PSD3: variants seen among roughly 807,000 people sequenced by gnomAD.
PSD3 encodes pleckstrin and Sec7 domain containing 3.
Under a neutral mutation model 105.5 loss-of-function variants are expected in PSD3, and 49 were observed. That is an observed-to-expected ratio of 0.46 (90% CI 0.37 to 0.59). The LOEUF is 0.59. Ranked by LOEUF, PSD3 falls within the 20% of genes least tolerant of loss-of-function variation. The pLI is 0.00. For synonymous variants in PSD3, 557 were observed against 457.8 expected (o/e 1.22, Z -2.77); for missense variants, 1,561 against 1,263.8 (o/e 1.24, Z -3.57).
chr8:18,979,832 A>T (rs1825160099), intron 1 of PSD3: 2 of 152,306 alleles, frequency 1.3e-5, no homozygotes, highest in African/African-American at 4.8e-5. Flanking sequence ...CTACTTAAGA[A>T]AAAGTAGGTT....
intron 4 of PSD3, among the ~76,000 whole-genome samples, chr8:18,832,027 C>G (rs1231641451): frequency 1.3e-5 from 2 of 152,166 alleles, no homozygotes; most frequent in Non-Finnish European, 2.9e-5. Flanking sequence ...CTCACAAAAG[C>G]AAAAACCTTC....
intron 1 of PSD3, among the ~76,000 whole-genome samples, chr8:19,037,703 C>G (rs1395516): frequency 6.6e-6 from 1 of 152,022 alleles, no homozygotes; most frequent in Non-Finnish European, 1.5e-5. Flanking sequence ...CATTTGGACA[C>G]TGGTACTTCT....
intron 4 of PSD3, among the ~76,000 whole-genome samples, chr8:18,807,921 C>A (rs1334266783): frequency 2.6e-5 from 4 of 152,124 alleles, no homozygotes; most frequent in Non-Finnish European, 5.9e-5. Flanking sequence ...CTGGACAACA[C>A]GGTGAGACCC....
chr8:18,928,658 TTC>T (rs887310387), intron 2 of PSD3, among the ~76,000 whole-genome samples: 1 of 151,508 alleles, frequency 6.6e-6, no homozygotes, highest in Non-Finnish European at 1.5e-5. Flanking sequence ...TCAGTGGGTG[TTC>T]TCTCTCTCTT....
At chr8:18,798,779 A>T (rs778198867) in intron 8 of PSD3, among the ~76,000 whole-genome samples, 1 of 152,158 alleles carries the variant, frequency 6.6e-6, no homozygotes, top group Non-Finnish European at 1.5e-5. Flanking sequence ...TTTATATATA[A>T]TTATACATTT....
chr8:18,911,082 T>C (rs1456547341), intron 2 of PSD3, among the ~76,000 whole-genome samples: 1 of 152,126 alleles, frequency 6.6e-6, no homozygotes, highest in African/African-American at 2.4e-5. Context: ...CACTCCATCC[T>C]GGGCAATAGA....
intron 4 of PSD3, among the ~76,000 whole-genome samples, chr8:18,825,749 C>T (rs773215094): frequency 7.2e-5 from 11 of 152,210 alleles, no homozygotes; most frequent in East Asian, 1.9e-4. Context: ...AACCTCCACA[C>T]GCAACTCATT....
At chr8:18,568,013 CT>C (rs1225401497) in intron 14 of PSD3, among the ~76,000 whole-genome samples, 2 of 152,292 alleles carry the variant, frequency 1.3e-5, no homozygotes, top group East Asian at 3.9e-4. Flanking sequence ...GAGCCTGGCA[CT>C]TTCCCTTCCT....
intron 1 of PSD3, among the ~76,000 whole-genome samples, chr8:19,064,460 T>C (rs1829008257): frequency 6.6e-6 from 1 of 152,234 alleles, no homozygotes; most frequent in Non-Finnish European, 1.5e-5. Flanking sequence ...CGATGTGTAA[T>C]GATCAAATGA....
chr8:18,561,451 GGT>G (rs1801392729), intron 14 of PSD3, among the ~76,000 whole-genome samples: 1 of 152,098 alleles, frequency 6.6e-6, no homozygotes, highest in African/African-American at 2.4e-5. Context: ...GGAGAATGGT[GGT>G]TACCAGAGGC....
chr8:18,795,291 T>C (rs1381005771), intron 8 of PSD3, among the ~76,000 whole-genome samples: 1 of 152,090 alleles, frequency 6.6e-6, no homozygotes, highest in Non-Finnish European at 1.5e-5. Context: ...TCTGAGTATG[T>C]CAAGGGTAAA....
At chr8:18,892,303 A>C (rs922504023) in intron 2 of PSD3, among the ~76,000 whole-genome samples, 5 of 151,590 alleles carry the variant, frequency 3.3e-5, no homozygotes, top group Non-Finnish European at 7.4e-5. Context: ...GGCTCAATGC[A>C]AGCTCTGCCT....
chr8:18,936,291 G>A (rs1262233259), intron 1 of PSD3, 149 bp from the exon 2 acceptor site: 4 of 577,644 alleles, frequency 6.9e-6, no homozygotes, highest in Non-Finnish European at 1.2e-5. Flanking sequence ...CATGAAAAGT[G>A]TAACATGAAA....
At position 18,915,341 on chromosome 8, in the gene PSD3, A is replaced by T. The variant is rs145243608; in HGVS notation, c.130+20693T>A. 2.2e-3 allele frequency among the ~76,000 whole-genome samples: 333 copies of T among 152,320 alleles called. 1 individual carries two copies. The highest frequency in any genetic ancestry group is 7.6e-3 in the African/African-American group (317 of 41,568). On this transcript the variant is annotated intron_variant, in intron 2 of 15. Transcript: ENST00000327040. Reference sequence around the variant, plus strand: ...CAGGCAATGAAAGGCAAAACAGACAAATTGGATTGCATCAAACTAAAAAGC... The same window carrying T: ...CAGGCAATGAAAGGCAAAACAGACATATTGGATTGCATCAAACTAAAAAGC...
intron 1 of PSD3, among the ~76,000 whole-genome samples, chr8:19,020,686 C>T (rs1827335998): frequency 1.3e-5 from 2 of 151,778 alleles, no homozygotes; most frequent in African/African-American, 4.8e-5. Flanking sequence ...TGGCTTGGGC[C>T]AGGGTGGTGG....
intron 14 of PSD3, among the ~76,000 whole-genome samples, chr8:18,565,533 A>C (rs1312451744): frequency 2.6e-5 from 4 of 152,242 alleles, no homozygotes; most frequent in Non-Finnish European, 5.9e-5. Flanking sequence ...CAAAGCCCAC[A>C]AATGACAGGG....
intron 9 of PSD3, among the ~76,000 whole-genome samples, chr8:18,694,833 T>A (rs943704824): frequency 5.1e-4 from 69 of 135,148 alleles, no homozygotes; most frequent in Non-Finnish European, 2.6e-4. Context: ...AAAAAAAAAA[T>A]TATTCTGATA....
intron 4 of PSD3, among the ~76,000 whole-genome samples, chr8:18,810,866 A>T (rs1410914245): frequency 6.6e-6 from 1 of 152,254 alleles, no homozygotes; most frequent in Non-Finnish European, 1.5e-5. Context: ...AACAGACAAG[A>T]GGGCGGGTAC....
intron 1 of PSD3, among the ~76,000 whole-genome samples, chr8:18,995,960 C>T (rs186253849): frequency 3.5e-4 from 53 of 152,062 alleles, no homozygotes; most frequent in African/African-American, 1.2e-3. Context: ...TCCGTAGCAT[C>T]ACCTAGTAGC....
Sources: gnomAD v4.1 joint callset for allele counts (sites outside exome capture counted in the v4.1 genomes callset) on GRCh38, gnomAD v4.1.1 for gene constraint, MANE v1.5 for transcripts, NCBI Gene and HGNC (gene_info 2026-07-23, HGNC 2026-07-21) for gene names.